DCUN1D3: variants seen among roughly 807,000 people sequenced by gnomAD.
DCUN1D3 encodes the protein defective in cullin neddylation 1 domain containing 3.
A neutral mutation model predicts 24.8 loss-of-function variants in DCUN1D3; 6 were observed. The observed-to-expected ratio is 0.24, with a 90% CI of 0.13 to 0.48. The LOEUF (loss-of-function observed/expected upper bound fraction) is 0.48, where lower values mean the gene tolerates loss of function less well. DCUN1D3 is among the 20% of genes least tolerant of loss of function. The pLI is 0.99. For missense variants in DCUN1D3, 258 were observed against 379.4 expected (o/e 0.68, Z 2.66); for synonymous variants, 120 against 144.9 (o/e 0.83, Z 1.24).
intron 1 of DCUN1D3, among the ~76,000 whole-genome samples, chr16:20,866,062 T>A (rs2081760393): frequency 6.6e-6 from 1 of 152,214 alleles, no homozygotes; most frequent in African/African-American, 2.4e-5. Flanking sequence ...GTAAGTTTTT[T>A]AAAAGACTTT....
At chr16:20,875,706 A>T (rs2081811396) in intron 1 of DCUN1D3, among the ~76,000 whole-genome samples, 1 of 152,234 alleles carries the variant, frequency 6.6e-6, no homozygotes, top group Non-Finnish European at 1.5e-5. Context: ...ATGATCTAGG[A>T]CACTGGTCTG....
intron 1 of DCUN1D3, among the ~76,000 whole-genome samples, chr16:20,889,680 G>A (rs1007030489): frequency 6.6e-6 from 1 of 152,170 alleles, no homozygotes; most frequent in African/African-American, 2.4e-5. Flanking sequence ...TTAGAAAAAT[G>A]TATTTGGTCT....
intron 1 of DCUN1D3, among the ~76,000 whole-genome samples, chr16:20,878,153 T>C (rs573159551): frequency 6.6e-4 from 101 of 152,242 alleles, no homozygotes; most frequent in African/African-American, 2.4e-3. Context: ...AAGCACCCAC[T>C]ACCTTCAGAG....
rs1596627150 is a variant in DCUN1D3 at position 20,860,757 on chromosome 16, C to T, written c.432-388G>A. On this transcript the variant is annotated intron_variant, in intron 2 of 2. Transcript: ENST00000324344. This position sits in a 1 kb window ranked among gnomAD's most constrained non-coding sequence, Gnocchi z 4.3. ...CCAGAGGAGGAGGCTTCCTGTTTCC[C>T]TTCTGATTCTCTATGGGTTGTTTGT... 6.6e-6 allele frequency among the ~76,000 whole-genome samples: 1 copy of T among 152,152 alleles called. No individual in the cohort carries two copies. The highest frequency in any genetic ancestry group is 2.4e-5 in the African/African-American group (1 of 41,410).
Position 20,862,470 on chromosome 16 carries a change from C to T in DCUN1D3, c.69G>A (p.Glu23=), listed in dbSNP as rs776905527. 3.7e-6 allele frequency: 6 copies of T among 1,612,572 alleles called. No homozygotes were observed. The South Asian group carries it at 5.5e-5, about 15-fold the overall frequency. The change falls in exon 2 of 3, where the codon GAG becomes GAA. Residue 23 remains glutamate, a synonymous_variant. Transcript: ENST00000324344. ...STLGSKNGDR[E]PSNKSHSRRG... ...TCCTGCTATGTGACTTGTTGCTGGG[C>T]TCACGGTCTCCATTTTTGCTGCCCA...
chr16:20,893,207 T>A (rs1454140199), intron 1 of DCUN1D3, among the ~76,000 whole-genome samples: 1 of 151,758 alleles, frequency 6.6e-6, no homozygotes, highest in Admixed American at 6.6e-5. Context: ...AGGGTCTCAC[T>A]CTGTCACCAA....
At chr16:20,866,601 T>A (rs1888171502) in intron 1 of DCUN1D3, among the ~76,000 whole-genome samples, 3 of 152,156 alleles carry the variant, frequency 2.0e-5, no homozygotes, top group African/African-American at 7.2e-5. Flanking sequence ...TTTGACTACC[T>A]GACACAGCAG....
intron 1 of DCUN1D3, among the ~76,000 whole-genome samples, chr16:20,895,577 C>A (rs2081911673): frequency 6.6e-6 from 1 of 152,164 alleles, no homozygotes; most frequent in Admixed American, 6.5e-5. Flanking sequence ...GGGTCCAAAA[C>A]CAATCCCCCA....
rs1309555552 is a variant in DCUN1D3 at position 20,860,243 on chromosome 16, T to G, written c.558A>C (p.Thr186=). The stretch of plus-strand genomic sequence containing the variant: ...CTTCAGAGTCCAGGCCAAACTGAAA[T>G]GTAAACCGGTAGAGATCCTTGAATT... ...EDKFKDLYRF[T]FQFGLDSEEG... is the part of the protein sequence containing the mutation. Residue 186 remains threonine (T), a synonymous_variant, in exon 3 of 3, where the codon ACA becomes ACC. Coordinates refer to ENST00000324344, the MANE Select transcript of DCUN1D3 (RefSeq NM_173475.4). The surrounding 1 kb of genome is among the most constrained non-coding windows in gnomAD (Gnocchi z 4.3). 1 of 1,614,126 alleles carries G rather than the reference T, an allele frequency of 6.2e-7. No individual in the cohort carries two copies. Among genetic ancestry groups the G allele is most frequent in the Non-Finnish European group, 8.5e-7 (1 of 1,180,050 alleles).
chr16:20,894,751 A>G (rs1005453207), intron 1 of DCUN1D3, among the ~76,000 whole-genome samples: 5 of 152,224 alleles, frequency 3.3e-5, no homozygotes, highest in African/African-American at 1.2e-4. Context: ...CACAAGAGCT[A>G]ATCACCACCT....
At chr16:20,895,843 G>A (rs896037570) in intron 1 of DCUN1D3, among the ~76,000 whole-genome samples, 38 of 152,094 alleles carry the variant, frequency 2.5e-4, no homozygotes, top group South Asian at 2.1e-4. Flanking sequence ...ATCAAGACCC[G>A]GGAAAACAGG....
intron 1 of DCUN1D3, among the ~76,000 whole-genome samples, chr16:20,883,731 A>G (rs2081856009): frequency 1.3e-5 from 2 of 152,164 alleles, no homozygotes; most frequent in Admixed American, 6.6e-5. Context: ...TTCCTTCCAA[A>G]TGGGGAAAAG....
At chr16:20,889,305 T>A (rs949813148) in intron 1 of DCUN1D3, among the ~76,000 whole-genome samples, 1 of 150,728 alleles carries the variant, frequency 6.6e-6, no homozygotes, top group African/African-American at 2.4e-5. Context: ...GGTAGGAGAA[T>A]CGCTTGAACC....
chr16:20,880,726 T>A (rs950404114), intron 1 of DCUN1D3, among the ~76,000 whole-genome samples: 3 of 151,980 alleles, frequency 2.0e-5, no homozygotes, highest in Non-Finnish European at 4.4e-5. Context: ...ATGTCCCTAG[T>A]GCACTGCACA....
rs533639282 is a variant in DCUN1D3 at position 20,877,191 on chromosome 16, T to C, written c.-105-14548A>G. On this transcript the variant is annotated intron_variant, in intron 1 of 2. Transcript: ENST00000324344. The stretch of plus-strand genomic sequence containing the variant: ...TACACATAATGTGAATGTATCATAT[T>C]ATCACATGTCTCAAAACTACATATA... 1.8e-4 allele frequency among the ~76,000 whole-genome samples: 28 copies of C among 152,310 alleles called. No homozygotes were observed. The South Asian group carries it at 5.6e-3, about 30-fold the overall frequency.
At chr16:20,861,276 A>C (rs1283321338) in intron 2 of DCUN1D3, among the ~76,000 whole-genome samples, 14 of 152,124 alleles carry the variant, frequency 9.2e-5, no homozygotes. Flanking sequence ...AGAGGCACTT[A>C]CTATATTGGT....
At chr16:20,865,533 T>C (rs928907339) in intron 1 of DCUN1D3, among the ~76,000 whole-genome samples, 1 of 152,180 alleles carries the variant, frequency 6.6e-6, no homozygotes, top group Non-Finnish European at 1.5e-5. Context: ...CCAACTGCTA[T>C]AATAATGGCA....
intron 1 of DCUN1D3, among the ~76,000 whole-genome samples, chr16:20,899,623 G>C (rs546007593): frequency 6.6e-6 from 1 of 152,090 alleles, no homozygotes; most frequent in Non-Finnish European, 1.5e-5. Context: ...GGGGTGAGAA[G>C]TGCGGGGGGT....
rs147677315 is a variant in DCUN1D3 at position 20,891,925 on chromosome 16, C to T, written c.-106+8279G>A. 3.6e-3 allele frequency among the ~76,000 whole-genome samples: 544 copies of T among 152,272 alleles called. 2 individuals carry two copies. The highest frequency in any genetic ancestry group is 4.9e-3 in the Non-Finnish European group (330 of 68,010). On this transcript the variant is annotated intron_variant, in intron 1 of 2. Transcript: ENST00000324344. ...CCTGCTCCTTCCCTACCCTCTGTCC[C>T]CAGTAAGTGCACTGTTAGTATTTTG...
Sources: allele counts gnomAD v4.1 joint callset (sites outside exome capture counted in the v4.1 genomes callset), GRCh38; gene constraint gnomAD v4.1.1; non-coding constraint Gnocchi (gnomAD v3.1); transcripts MANE v1.5; gene names NCBI Gene and HGNC (gene_info 2026-07-23, HGNC 2026-07-21).